CNBD1: variants seen among roughly 807,000 people sequenced by gnomAD.
CNBD1 encodes the protein cyclic nucleotide binding domain containing 1.
A neutral mutation model predicts 54.4 loss-of-function variants in CNBD1; 71 were observed. That is an observed-to-expected ratio of 1.30 (90% CI 1.08 to 1.59). The LOEUF is 1.59. Ranked by LOEUF, CNBD1 falls within the 40% of genes most tolerant of loss-of-function variation. CNBD1 has a pLI of 0.00. For missense variants in CNBD1, 659 were observed against 518.0 expected (o/e 1.27, Z -2.64); for synonymous variants, 182 against 170.7 (o/e 1.07, Z -0.51).
intron 4 of CNBD1, among the ~76,000 whole-genome samples, chr8:87,087,394 A>G (rs1344630501): frequency 1.3e-5 from 2 of 150,454 alleles, no homozygotes; most frequent in Non-Finnish European, 3.0e-5. Context: ...AGAGCAAAAT[A>G]TGAGAAAGCA....
chr8:86,917,050 T>C (rs894480901), intron 3 of CNBD1, among the ~76,000 whole-genome samples: 1 of 151,994 alleles, frequency 6.6e-6, no homozygotes, highest in African/African-American at 2.4e-5. Flanking sequence ...TATGTATTTT[T>C]TAGTAGAGAT....
intron 10 of CNBD1, among the ~76,000 whole-genome samples, chr8:87,354,600 C>G (rs1375549695): frequency 6.6e-6 from 1 of 151,510 alleles, no homozygotes. Flanking sequence ...TGTTCCCCTT[C>G]CTGTGTCCAT....
intron 8 of CNBD1, among the ~76,000 whole-genome samples, chr8:87,337,877 G>A (rs773176925): frequency 1.3e-5 from 2 of 152,140 alleles, no homozygotes; most frequent in Non-Finnish European, 2.9e-5. Context: ...TCTTTCCAAT[G>A]GGATTCTTTG....
chr8:87,370,035 T>C (rs1304476206), intron 10 of CNBD1, among the ~76,000 whole-genome samples: 1 of 152,074 alleles, frequency 6.6e-6, no homozygotes, highest in Non-Finnish European at 1.5e-5. Flanking sequence ...ATTTCATCCA[T>C]GTCCCTACAA....
intron 2 of CNBD1, among the ~76,000 whole-genome samples, chr8:87,388,043 T>C (rs1451410124): frequency 6.6e-6 from 1 of 152,200 alleles, no homozygotes; most frequent in Non-Finnish European, 1.5e-5. Flanking sequence ...AATAAAGATG[T>C]TCTTTGAAAC....
intron 6 of CNBD1, among the ~76,000 whole-genome samples, chr8:87,263,280 A>G (rs1808179078): frequency 6.6e-6 from 1 of 152,186 alleles, no homozygotes; most frequent in African/African-American, 2.4e-5. Context: ...TTTGTATATA[A>G]TAATACTAGC....
chr8:86,988,042 T>G (rs1480485815), intron 4 of CNBD1, among the ~76,000 whole-genome samples: 1 of 152,140 alleles, frequency 6.6e-6, no homozygotes, highest in East Asian at 1.9e-4. Context: ...TCTCCTTCAT[T>G]TTTTGTAACA....
chr8:87,110,444 C>T (rs62527281), intron 4 of CNBD1, among the ~76,000 whole-genome samples: 83,263 of 151,968 alleles, frequency 0.55, 24,566 homozygotes, highest in African/African-American at 0.78. Context: ...AGCAATAATA[C>T]ACGCTGCCTC....
At chr8:86,895,242 TGTGTGTG>T in intron 2 of CNBD1, among the ~76,000 whole-genome samples, 1 of 135,646 alleles carries the variant, frequency 7.4e-6, no homozygotes, top group African/African-American at 3.1e-5. Context: ...TTTCTCTGTG[TGTGTGTG>T]CATGGTGTGT....
At chr8:87,389,873 C>G (rs1159583953) in intron 2 of CNBD1, among the ~76,000 whole-genome samples, 1 of 152,166 alleles carries the variant, frequency 6.6e-6, no homozygotes, top group Non-Finnish European at 1.5e-5. Flanking sequence ...GTAACCAAAA[C>G]AGCATGGTAC....
chr8:87,388,904 G>A (rs946468919), intron 2 of CNBD1, among the ~76,000 whole-genome samples: 3 of 152,130 alleles, frequency 2.0e-5, no homozygotes, highest in African/African-American at 7.2e-5. Flanking sequence ...TATCCAACAT[G>A]ATCAAGTGGG....
At position 87,095,880 on chromosome 8, in the gene CNBD1, G is replaced by C. The variant is rs1017818135; in HGVS notation, c.432-110113G>C. On this transcript the variant is annotated intron_variant, in intron 4 of 10. Transcript: ENST00000518476. ...TCACTGTGTTAGCCAGGATGGTCTC[G>C]ATCTCCTGACCTCGTGATCTGCCCG... Among the ~76,000 whole-genome samples the C allele has an allele frequency of 7.2e-5, 11 of 152,256 alleles. No individual in the cohort carries two copies. The East Asian group carries it at 1.7e-3, about 24-fold the overall frequency.
intron 10 of CNBD1, among the ~76,000 whole-genome samples, chr8:87,359,214 T>G (rs1228457585): frequency 2.0e-5 from 3 of 150,704 alleles, no homozygotes; most frequent in African/African-American, 7.5e-5. Flanking sequence ...TGTTTGTGTG[T>G]GTACAAACAT....
chr8:87,414,064 C>T lies in CNBD1; in HGVS notation c.214-14482C>T, dbSNP rs1347212853. Among the ~76,000 whole-genome samples, 3 of 152,262 alleles carry T rather than the reference C, an allele frequency of 2.0e-5. No individual in the cohort carries two copies. In the South Asian group the frequency reaches 6.2e-4, roughly 32 times the overall value. On this transcript the variant is annotated intron_variant, in intron 2 of 7. Transcript: ENST00000521593. ...TATAAATCATGATACTATAAAGACA[C>T]ATGCACACATATGTTTATTGCGGCA...
At chr8:87,376,891 C>T (rs1263710997) in intron 10 of CNBD1, among the ~76,000 whole-genome samples, 1 of 151,684 alleles carries the variant, frequency 6.6e-6, no homozygotes, top group East Asian at 1.9e-4. Flanking sequence ...AAATCAGAAC[C>T]TTAGAAAGAA....
intron 8 of CNBD1, among the ~76,000 whole-genome samples, chr8:87,324,458 T>C (rs1437765450): frequency 6.8e-6 from 1 of 147,132 alleles, no homozygotes; most frequent in Admixed American, 6.8e-5. Flanking sequence ...TGGTAAACTA[T>C]TGATTATTGC....
chr8:87,046,390 G>A (rs910936360), intron 4 of CNBD1, among the ~76,000 whole-genome samples: 1 of 152,162 alleles, frequency 6.6e-6, no homozygotes, highest in East Asian at 1.9e-4. Flanking sequence ...AGACCTCTGT[G>A]TTTAGTGTAC....
intron 2 of CNBD1, among the ~76,000 whole-genome samples, chr8:87,402,253 C>A (rs985974524): frequency 6.6e-6 from 1 of 152,046 alleles, no homozygotes; most frequent in South Asian, 2.1e-4. Flanking sequence ...GGGTCCCTCC[C>A]AAAACATGTG....
intron 4 of CNBD1, among the ~76,000 whole-genome samples, chr8:87,178,596 T>C (rs1813247006): frequency 6.6e-6 from 1 of 152,194 alleles, no homozygotes; most frequent in Non-Finnish European, 1.5e-5. Flanking sequence ...TGATGGAATC[T>C]AGCGACAAAC....
Sources: allele counts gnomAD v4.1 joint callset (sites outside exome capture counted in the v4.1 genomes callset), GRCh38; gene constraint gnomAD v4.1.1; transcripts MANE v1.5; gene names NCBI Gene and HGNC (gene_info 2026-07-23, HGNC 2026-07-21).